Variants in SPIDR observed in about 807,000 individuals in gnomAD.
SPIDR encodes the protein DNA repair-scaffolding protein.
In SPIDR, 93 loss-of-function variants were observed where a neutral mutation model predicts 104.6. The observed-to-expected ratio is 0.89, with a 90% CI of 0.75 to 1.06. The LOEUF (loss-of-function observed/expected upper bound fraction) is 1.06, where lower values mean the gene tolerates loss of function less well. Among genes scored for constraint, SPIDR ranks in the 50% least tolerant of loss-of-function variants. The pLI is 0.00. For synonymous variants in SPIDR, 431 were observed against 416.9 expected, an observed-to-expected ratio of 1.03 and a Z score of -0.41; for missense variants, 1,154 against 1,111.2, an observed-to-expected ratio of 1.04 and a Z score of -0.55.
chr8:47,554,681 C>T (rs2091089074), intron 8 of SPIDR, among the ~76,000 whole-genome samples: 8 of 152,186 alleles, frequency 5.3e-5, no homozygotes, highest in Admixed American at 5.2e-4. Context: ...AGGGAATTCC[C>T]CGACCCCTTG....
chr8:47,674,656 A>T lies in SPIDR; in HGVS notation c.1685+715A>T, dbSNP rs527585459. ...ATTAAATTATAGTAACATCTGAGCT[A>T]TAACAGTATCGGAAGGAGGAAAAGT... is the stretch of plus-strand genomic sequence containing the variant. On this transcript the variant is annotated intron_variant, in intron 11 of 19. Transcript: ENST00000297423. Among the ~76,000 whole-genome samples the T allele has an allele frequency of 2.0e-4, 30 of 152,362 alleles. No homozygotes were observed. The South Asian group carries it at 6.0e-3, about 30-fold the overall frequency.
intron 8 of SPIDR, among the ~76,000 whole-genome samples, chr8:47,588,260 A>G (rs1440181124): frequency 1.3e-5 from 2 of 149,228 alleles, no homozygotes; most frequent in Non-Finnish European, 3.0e-5. Flanking sequence ...AGTGTTTTGT[A>G]GCTTCAGCAT....
intron 7 of SPIDR, 61 bp downstream of exon 7, chr8:47,408,022 T>G: frequency 6.6e-6 from 6 of 909,320 alleles, no homozygotes; most frequent in Non-Finnish European, 1.0e-5. Flanking sequence ...AAAAGAATTC[T>G]TACATTAAAA....
intron 5 of SPIDR, among the ~76,000 whole-genome samples, chr8:47,355,271 TAAAAAAAAAAA>T (rs34902790): frequency 1.7e-5 from 2 of 116,568 alleles, no homozygotes; most frequent in African/African-American, 6.6e-5. Context: ...AGGTTTTTTG[TAAAAAAAAAAA>T]AAAAAAAAAA....
intron 10 of SPIDR, among the ~76,000 whole-genome samples, chr8:47,622,248 A>T (rs920937636): frequency 1.3e-5 from 2 of 152,176 alleles, no homozygotes; most frequent in African/African-American, 4.8e-5. Context: ...GGAAAACAAA[A>T]AGGTCTAAAG....
chr8:47,342,328 C>CTTTTTT (rs11357859), intron 5 of SPIDR, among the ~76,000 whole-genome samples: 4 of 68,956 alleles, frequency 5.8e-5, no homozygotes, highest in Non-Finnish European at 1.1e-4. Flanking sequence ...TTTCAAAGGT[C>CTTTTTT]TTTTTTTTTT....
Position 47,712,814 on chromosome 8 carries a change from G to A in SPIDR, c.2130G>A (p.Glu710=), listed in dbSNP as rs199536803. 2 of 1,614,076 alleles carry A rather than the reference G, an allele frequency of 1.2e-6. No individual in the cohort carries two copies. The highest frequency in any genetic ancestry group is 2.2e-5 in the East Asian group (1 of 44,868). The part of the protein sequence containing the change: ...PLCVLGSEVL[E]ALAGAAPHSL... ...GTGTGCTGGGCTCTGAAGTCCTGGAGGCACTCGCTGGGGCTGCCCCTCACA... is the reference window on the plus strand; with the variant it reads ...GTGTGCTGGGCTCTGAAGTCCTGGAAGCACTCGCTGGGGCTGCCCCTCACA... The change falls in exon 15 of 20, where the codon GAG becomes GAA. Residue 710 remains glutamate, a synonymous_variant. Transcript: ENST00000297423.
intron 1 of SPIDR, among the ~76,000 whole-genome samples, chr8:47,269,582 A>G (rs902137647): frequency 3.9e-4 from 59 of 152,094 alleles, no homozygotes; most frequent in Non-Finnish European, 6.5e-4. Context: ...AAAAAAAAAA[A>G]AAAGAAAGAA....
intron 8 of SPIDR, among the ~76,000 whole-genome samples, chr8:47,475,613 A>G (rs2076193041): frequency 6.6e-6 from 1 of 152,114 alleles, no homozygotes; most frequent in African/African-American, 2.4e-5. Context: ...TTTGAATGTA[A>G]CTCTTTTCTG....
chr8:47,615,127 G>C (rs1226327979), intron 10 of SPIDR, among the ~76,000 whole-genome samples: 2 of 151,696 alleles, frequency 1.3e-5, no homozygotes, highest in Non-Finnish European at 2.9e-5. Context: ...CTGGAGTGCA[G>C]TGGTGGGATT....
intron 10 of SPIDR, chr8:47,661,026 T>A: frequency 1.1e-6 from 1 of 940,958 alleles, no homozygotes; most frequent in Non-Finnish European, 1.3e-6. Flanking sequence ...CTAGTGTCCG[T>A]GTCCATTCGT....
intron 8 of SPIDR, among the ~76,000 whole-genome samples, chr8:47,479,062 TAAAG>T (rs1242896730): frequency 2.0e-5 from 3 of 152,024 alleles, no homozygotes; most frequent in South Asian, 2.1e-4. Context: ...AAAAAAAATT[TAAAG>T]AAAGGGATGT....
chr8:47,273,229 T>C (rs1292193903), intron 1 of SPIDR, among the ~76,000 whole-genome samples: 1 of 152,212 alleles, frequency 6.6e-6, no homozygotes, highest in East Asian at 1.9e-4. Context: ...TTTTGATCAA[T>C]TGAATATAAA....
At chr8:47,265,188 C>CTTTTTTTTTTTT (rs397892978) in intron 1 of SPIDR, among the ~76,000 whole-genome samples, 1 of 108,996 alleles carries the variant, frequency 9.2e-6, no homozygotes, top group African/African-American at 3.8e-5. Context: ...TCTCAGTTGT[C>CTTTTTTTTTTTT]TTTTTTTTTT....
chr8:47,611,594 A>G (rs180981663), intron 10 of SPIDR, among the ~76,000 whole-genome samples: 1 of 152,152 alleles, frequency 6.6e-6, no homozygotes, highest in Non-Finnish European at 1.5e-5. Context: ...GCTACTTGGG[A>G]GGCTGAGGCA....
chr8:47,405,699 G>A (rs2062651973), intron 6 of SPIDR, among the ~76,000 whole-genome samples: 1 of 152,044 alleles, frequency 6.6e-6, no homozygotes. Context: ...TCGGAGTTTG[G>A]CCTTTATAAA....
chr8:47,350,426 G>T (rs1370797027), intron 5 of SPIDR, among the ~76,000 whole-genome samples: 7 of 152,156 alleles, frequency 4.6e-5, no homozygotes, highest in African/African-American at 1.4e-4. Context: ...CGATTCTTCT[G>T]CCTTAGCCTC....
chr8:47,411,230 G>T (rs1216718571), intron 7 of SPIDR, among the ~76,000 whole-genome samples: 1 of 152,146 alleles, frequency 6.6e-6, no homozygotes, highest in African/African-American at 2.4e-5. Flanking sequence ...CTGAGGAATC[G>T]CCACACTGAC....
intron 5 of SPIDR, among the ~76,000 whole-genome samples, chr8:47,340,018 A>C (rs2050444847): frequency 6.6e-6 from 1 of 152,026 alleles, no homozygotes; most frequent in South Asian, 2.1e-4. Flanking sequence ...TTCTATCCAT[A>C]AGTGTAAATG....
Sources: gnomAD v4.1 joint callset for allele counts (sites outside exome capture counted in the v4.1 genomes callset) on GRCh38, gnomAD v4.1.1 for gene constraint, MANE v1.5 for transcripts, NCBI Gene and HGNC (gene_info 2026-07-23, HGNC 2026-07-21) for gene names.